Variants in PLXNA4 observed in about 807,000 individuals in gnomAD.
PLXNA4 encodes plexin-A4.
In PLXNA4, 44 loss-of-function variants were observed where a neutral mutation model predicts 191.8. That is an observed-to-expected ratio of 0.23 (90% CI 0.18 to 0.29). The LOEUF (loss-of-function observed/expected upper bound fraction) is 0.29. Among genes scored for constraint, PLXNA4 ranks in the 10% least tolerant of loss-of-function variants. PLXNA4 has a pLI of 1.00. For missense variants in PLXNA4, 1,800 were observed against 2,488.8 expected, an observed-to-expected ratio of 0.72 and a Z score of 5.89; for synonymous variants, 1,082 against 1,009.5, an observed-to-expected ratio of 1.07 and a Z score of -1.36.
intron 3 of PLXNA4, among the ~76,000 whole-genome samples, chr7:132,299,695 C>T (rs921002599): frequency 6.6e-6 from 1 of 152,176 alleles, no homozygotes; most frequent in African/African-American, 2.4e-5. Flanking sequence ...GCATCCATTC[C>T]ACCTTCTCCC....
chr7:132,428,014 G>T (rs753745274), intron 3 of PLXNA4, among the ~76,000 whole-genome samples: 17 of 152,168 alleles, frequency 1.1e-4, no homozygotes, highest in Non-Finnish European at 2.2e-4. Flanking sequence ...TGCAAAGCAG[G>T]TGAGACGAGG....
Position 132,189,004 on chromosome 7 carries a change from G to GGAA in PLXNA4, c.2857-1398_2857-1397insTTC, listed in dbSNP as rs1562908921. Among the ~76,000 whole-genome samples the GGAA allele has an allele frequency of 8.3e-5, 6 of 72,230 alleles. No individual in the cohort carries two copies. The East Asian group carries it at 2.7e-3, about 33-fold the overall frequency. 47.4% of individuals were successfully genotyped at this position (72,230 alleles called of 152,430 possible). ...GAAAGGAAAGGAAAGGAGAGAGAGA[G>GGAA]AGAGAGAGAGAGAGAGAGAGAGAGA... On this transcript the variant is annotated intron_variant, in intron 14 of 31. Transcript: ENST00000321063.
At chr7:132,148,465 C>T (rs1265964566) in intron 26 of PLXNA4, 78 bp downstream of exon 26, 2 of 1,586,886 alleles carry the variant, frequency 1.3e-6, no homozygotes, top group East Asian at 2.2e-5. Flanking sequence ...GTGTCTACCC[C>T]TGTTATTCCA....
chr7:132,206,437 G>GGTGTGTGT (rs61032250), intron 10 of PLXNA4, among the ~76,000 whole-genome samples: 3,053 of 148,418 alleles, frequency 0.021, 32 homozygotes, highest in African/African-American at 0.026. Flanking sequence ...TATGTTTTCT[G>GGTGTGTGT]GTGTGTGTGT....
intron 3 of PLXNA4, among the ~76,000 whole-genome samples, chr7:132,453,390 C>A (rs556606262): frequency 6.6e-6 from 1 of 152,088 alleles, no homozygotes; most frequent in Non-Finnish European, 1.5e-5. Flanking sequence ...GAGAAATACC[C>A]CTTTTTGGAT....
intron 3 of PLXNA4, among the ~76,000 whole-genome samples, chr7:132,311,193 T>TGTGTGTGTGTGCGTGCGC (rs71178034): frequency 1.1e-5 from 1 of 89,828 alleles, no homozygotes; most frequent in Non-Finnish European, 2.5e-5. Flanking sequence ...TGTGTGTGTG[T>TGTGTGTGTGTGCGTGCGC]GCGCGTGTGG....
chr7:132,383,680 T>C (rs1804993153), intron 3 of PLXNA4: 1 of 982,618 alleles, frequency 1.0e-6, no homozygotes. Context: ...AGTGTATATA[T>C]CAATTCCAAT....
chr7:132,300,719 C>G (rs1801272892), intron 3 of PLXNA4, among the ~76,000 whole-genome samples: 1 of 152,190 alleles, frequency 6.6e-6, no homozygotes, highest in African/African-American at 2.4e-5. Flanking sequence ...CCTGGCCCAG[C>G]CAAGCTTCAT....
chr7:132,591,875 G>A (rs1462438767), intron 2 of PLXNA4, among the ~76,000 whole-genome samples: 1 of 152,108 alleles, frequency 6.6e-6, no homozygotes, highest in Non-Finnish European at 1.5e-5. Context: ...CAGAAAACAG[G>A]ATTACAGGCG....
At chr7:132,505,078 G>C (rs1798406325) in intron 2 of PLXNA4, among the ~76,000 whole-genome samples, 1 of 152,236 alleles carries the variant, frequency 6.6e-6, no homozygotes, top group African/African-American at 2.4e-5. Flanking sequence ...CCCCAGGCCT[G>C]TGCAGAGTTT....
intron 31 of PLXNA4, among the ~76,000 whole-genome samples, chr7:132,132,380 T>C (rs1326494749): frequency 1.6e-5 from 2 of 128,938 alleles, no homozygotes; most frequent in East Asian, 2.5e-4. Context: ...CACATTCTAT[T>C]TGTTCTGTTC....
chr7:132,240,827 T>A (rs1798852396), intron 5 of PLXNA4, among the ~76,000 whole-genome samples: 1 of 152,188 alleles, frequency 6.6e-6, no homozygotes, highest in Admixed American at 6.5e-5. Context: ...TCCTGACCTG[T>A]CATGATTCCC....
chr7:132,565,761 A>G (rs1801693057), intron 1 of PLXNA4, among the ~76,000 whole-genome samples: 1 of 152,028 alleles, frequency 6.6e-6, no homozygotes, highest in African/African-American at 2.4e-5. Context: ...TTTTTTTGAA[A>G]AAAGAAAAAA....
rs867001202 is a variant in PLXNA4, at chr7:132,228,444, G to A, written c.1630C>T (p.Arg544Trp). Residue 544 changes from arginine (R) to tryptophan (W), a missense_variant, in exon 6 of 32, where the codon CGG becomes TGG. Transcript: ENST00000321063. ...NTCTRKERCE[R>W]SKEPRRFASE... Reference sequence around the variant, plus strand: ...GCAAACCTGCGGGGCTCCTTGGACCGCTCACACCGCTCCTTCCGGGTGCAA... The same window carrying A: ...GCAAACCTGCGGGGCTCCTTGGACCACTCACACCGCTCCTTCCGGGTGCAA... The A allele has an allele frequency of 1.4e-5, 22 of 1,613,982 alleles. No homozygotes were observed. Among genetic ancestry groups the A allele is most frequent in the Admixed American group, 6.7e-5 (4 of 59,992 alleles).
chr7:132,555,902 C>T (rs61670392), intron 1 of PLXNA4, among the ~76,000 whole-genome samples: 3,930 of 152,254 alleles, frequency 0.026, 163 homozygotes, highest in African/African-American at 0.088. Flanking sequence ...AATTTATCAG[C>T]AGGAAATTAA....
chr7:132,498,040 C>T, intron 2 of PLXNA4, among the ~76,000 whole-genome samples: 1 of 152,166 alleles, frequency 6.6e-6, no homozygotes, highest in East Asian at 1.9e-4. Flanking sequence ...AGTAGTTCCC[C>T]TGATCCTTGG....
At chr7:132,599,098 AT>A in intron 2 of PLXNA4, among the ~76,000 whole-genome samples, 1 of 152,178 alleles carries the variant, frequency 6.6e-6, no homozygotes, top group Admixed American at 6.5e-5. Flanking sequence ...TGTTCCATTG[AT>A]TTTTTTGGCT....
chr7:132,312,872 A>G (rs1801798901), intron 3 of PLXNA4, among the ~76,000 whole-genome samples: 1 of 152,210 alleles, frequency 6.6e-6, no homozygotes, highest in East Asian at 1.9e-4. Flanking sequence ...TACAGTTAGC[A>G]CTTATTTACA....
At chr7:132,623,307 T>A (rs1157693376) in intron 2 of PLXNA4, among the ~76,000 whole-genome samples, 1 of 150,398 alleles carries the variant, frequency 6.6e-6, no homozygotes, top group African/African-American at 2.5e-5. Context: ...GATCACACCA[T>A]TGCACTCCAG....
Sources: gnomAD v4.1 joint callset for allele counts (sites outside exome capture counted in the v4.1 genomes callset) on GRCh38, gnomAD v4.1.1 for gene constraint, MANE v1.5 for transcripts, NCBI Gene and HGNC (gene_info 2026-07-23, HGNC 2026-07-21) for gene names.